EPHB1: variants seen among roughly 807,000 people sequenced by gnomAD.
The protein encoded by EPHB1 is ephrin type-B receptor 1.
A neutral mutation model predicts 94.4 loss-of-function variants in EPHB1; 30 were observed. The ratio of observed to expected loss-of-function variants is 0.32; its 90% CI spans 0.24 to 0.43. The LOEUF is 0.43. EPHB1 is among the 20% of genes least tolerant of loss of function. The pLI is 1.00. For missense variants in EPHB1, 1,055 were observed against 1,308.3 expected, an observed-to-expected ratio of 0.81 and a Z score of 2.99; for synonymous variants, 522 against 489.1, an observed-to-expected ratio of 1.07 and a Z score of -0.89.
chr3:135,060,831 T>G (rs1937479366), intron 3 of EPHB1, among the ~76,000 whole-genome samples: 1 of 152,152 alleles, frequency 6.6e-6, no homozygotes, highest in South Asian at 2.1e-4. Flanking sequence ...AATATACAAT[T>G]AAATTGTTAT....
intron 5 of EPHB1, among the ~76,000 whole-genome samples, chr3:135,135,481 G>T (rs965706072): frequency 6.6e-6 from 1 of 152,156 alleles, no homozygotes; most frequent in Non-Finnish European, 1.5e-5. Context: ...TTTACCAGAG[G>T]TGGACAAGAG....
Position 135,191,651 on chromosome 3 carries a change from T to A in EPHB1, c.1883-925T>A, listed in dbSNP as rs566421678. 2.6e-5 allele frequency among the ~76,000 whole-genome samples: 4 copies of A among 152,150 alleles called. No individual in the cohort carries two copies. The East Asian group carries it at 5.8e-4, about 22-fold the overall frequency. On this transcript the variant is annotated intron_variant, in intron 10 of 15. Transcript: ENST00000398015. ...GATTCAACAGATTTTTTTTTTTTTT[T>A]AGGCAGCTATGAAATAATGTCACCA...
chr3:135,217,460 A>G lies in EPHB1; in HGVS notation c.2346+15771A>G, dbSNP rs868819839. On this transcript the variant is annotated intron_variant, in intron 12 of 15. Transcript: ENST00000398015. The stretch of plus-strand genomic sequence containing the variant: ...CACACACACACACACACACACACAC[A>G]CACACACGCACACGGGGAGAGAGAG... 8.6e-3 allele frequency among the ~76,000 whole-genome samples: 1,117 copies of G among 130,292 alleles called. 12 individuals carry two copies. The highest frequency in any genetic ancestry group is 0.029 in the African/African-American group (1,003 of 34,334). The allele number at this position is 130,292 out of a possible 152,430, so 85.5% of individuals were successfully genotyped here.
At chr3:134,905,508 G>A (rs1412673156) in intron 1 of EPHB1, among the ~76,000 whole-genome samples, 9 of 152,224 alleles carry the variant, frequency 5.9e-5, no homozygotes, top group Non-Finnish European at 2.9e-5. Context: ...AAGCACATGT[G>A]GTTTATCCAT....
chr3:134,973,304 A>T (rs1372083964), intron 3 of EPHB1, among the ~76,000 whole-genome samples: 1 of 152,156 alleles, frequency 6.6e-6, no homozygotes, highest in African/African-American at 2.4e-5. Context: ...AGGGTTGACC[A>T]ACAAGGTCCA....
chr3:135,036,219 A>C (rs571695349), intron 3 of EPHB1, among the ~76,000 whole-genome samples: 1 of 152,320 alleles, frequency 6.6e-6, no homozygotes, highest in East Asian at 1.9e-4. Context: ...TTGAGACGCT[A>C]TCTCTGGAGG....
In EPHB1 at chr3:135,258,994, C is replaced by T; in HGVS notation, c.2847-18C>T. The T allele has an allele frequency of 5.1e-6, 8 of 1,579,992 alleles. No homozygotes were observed. The highest frequency in any genetic ancestry group is 6.9e-6 in the Non-Finnish European group (8 of 1,158,714). ...ACCTAACACTAAAGTGACTTCTTTT[C>T]TGGCTCTTTCCTCCTAGAGACCTCC... On this transcript the variant is annotated intron_variant, in intron 15 of 15. Coordinates refer to ENST00000398015, the MANE Select transcript of EPHB1 (RefSeq NM_004441.5).
At chr3:135,160,853 G>A (rs1479185187) in intron 6 of EPHB1, among the ~76,000 whole-genome samples, 1 of 152,148 alleles carries the variant, frequency 6.6e-6, no homozygotes, top group African/African-American at 2.4e-5. Flanking sequence ...AGGGAGTAGA[G>A]GAGCCCTGGA....
At chr3:134,974,908 C>G (rs1285637943) in intron 3 of EPHB1, among the ~76,000 whole-genome samples, 1 of 152,000 alleles carries the variant, frequency 6.6e-6, no homozygotes, top group Non-Finnish European at 1.5e-5. Context: ...GTGCCTTGCA[C>G]CTCCCTGCCC....
intron 1 of EPHB1, among the ~76,000 whole-genome samples, chr3:134,865,047 C>G (rs1446222663): frequency 6.6e-6 from 1 of 151,998 alleles, no homozygotes; most frequent in East Asian, 1.9e-4. Flanking sequence ...AAACTTTTGA[C>G]TATGACCTAT....
intron 3 of EPHB1, among the ~76,000 whole-genome samples, chr3:135,015,961 G>A (rs533690654): frequency 7.9e-5 from 12 of 152,318 alleles, no homozygotes; most frequent in East Asian, 5.8e-4. Flanking sequence ...ACCATGGGCT[G>A]GAAGTAGCAG....
intron 1 of EPHB1, among the ~76,000 whole-genome samples, chr3:134,803,231 TC>T (rs1223319027): frequency 6.6e-6 from 1 of 152,216 alleles, no homozygotes; most frequent in Non-Finnish European, 1.5e-5. Context: ...CCCTCCCACT[TC>T]CTGGCAGCAA....
intron 2 of EPHB1, among the ~76,000 whole-genome samples, chr3:134,936,458 C>A (rs1207126715): frequency 6.6e-6 from 1 of 152,162 alleles, no homozygotes; most frequent in Non-Finnish European, 1.5e-5. Context: ...CCCCTAGGTC[C>A]TGACAAGTGT....
At chr3:134,807,157 A>G (rs2036077428) in intron 1 of EPHB1, among the ~76,000 whole-genome samples, 1 of 152,210 alleles carries the variant, frequency 6.6e-6, no homozygotes, top group African/African-American at 2.4e-5. Flanking sequence ...CTCACATTCT[A>G]CAGAGGCAAA....
intron 3 of EPHB1, among the ~76,000 whole-genome samples, chr3:134,986,545 G>A (rs1162058400): frequency 6.6e-6 from 1 of 152,116 alleles, no homozygotes; most frequent in Non-Finnish European, 1.5e-5. Flanking sequence ...CCTAAGTGAT[G>A]TCATGATCCC....
intron 3 of EPHB1, among the ~76,000 whole-genome samples, chr3:135,095,160 G>T (rs1938711885): frequency 6.6e-6 from 1 of 152,160 alleles, no homozygotes; most frequent in South Asian, 2.1e-4. Context: ...CAAAGTATTG[G>T]ATTTCTAAAA....
intron 12 of EPHB1, among the ~76,000 whole-genome samples, chr3:135,212,717 T>C (rs184622345): frequency 1.5e-4 from 23 of 152,352 alleles, no homozygotes; most frequent in Admixed American, 3.9e-4. Context: ...GGGTTTTCTA[T>C]TGGGGTTTGA....
At chr3:134,845,358 A>T (rs1050537040) in intron 1 of EPHB1, among the ~76,000 whole-genome samples, 1 of 152,232 alleles carries the variant, frequency 6.6e-6, no homozygotes, top group African/African-American at 2.4e-5. Flanking sequence ...CATCCATTCA[A>T]CCAGCTGTCC....
At chr3:135,127,727 A>C (rs1442359591) in intron 4 of EPHB1, among the ~76,000 whole-genome samples, 3 of 152,150 alleles carry the variant, frequency 2.0e-5, no homozygotes, top group Non-Finnish European at 1.5e-5. Flanking sequence ...CTGTCTCACC[A>C]TTCTTTAAAA....
Sources: allele counts gnomAD v4.1 joint callset (sites outside exome capture counted in the v4.1 genomes callset), GRCh38; gene constraint gnomAD v4.1.1; transcripts MANE v1.5; gene names NCBI Gene and HGNC (gene_info 2026-07-23, HGNC 2026-07-21).